Variants in UBAP1 observed in about 807,000 individuals in gnomAD.
UBAP1 encodes ubiquitin-associated protein 1.
A neutral mutation model predicts 39.0 loss-of-function variants in UBAP1; 5 were observed. That is an observed-to-expected ratio of 0.13 (90% CI 0.07 to 0.27). The LOEUF (loss-of-function observed/expected upper bound fraction) is 0.27, where lower values mean the gene tolerates loss of function less well. UBAP1 is among the 10% of genes least tolerant of loss of function. UBAP1 has a pLI of 1.00. For synonymous variants in UBAP1, 211 were observed against 225.1 expected (o/e 0.94, Z 0.56); for missense variants, 490 against 608.1 (o/e 0.81, Z 2.04).
At chr9:34,212,601 G>C (rs1832080464) in intron 1 of UBAP1, among the ~76,000 whole-genome samples, 1 of 152,002 alleles carries the variant, frequency 6.6e-6, no homozygotes, top group Non-Finnish European at 1.5e-5. Context: ...TAGATAATAG[G>C]AGAGTATTGT....
chr9:34,202,676 T>TGTGTGTGTGTGTGTGTGTGTGTCCCC (rs1554647595), intron 1 of UBAP1, among the ~76,000 whole-genome samples: 3 of 143,254 alleles, frequency 2.1e-5, no homozygotes, highest in African/African-American at 7.6e-5. Context: ...TGTGTGTGTG[T>TGTGTGTGTGTGTGTGTGTGTGTCCCC]GTCCCCGTCC....
intron 5 of UBAP1, 113 bp from the exon 6 acceptor site, chr9:34,250,545 C>A: frequency 1.4e-6 from 1 of 725,506 alleles, no homozygotes; most frequent in Non-Finnish European, 2.3e-6. Context: ...TATCCAGTAT[C>A]TGACGGCCTG....
intron 6 of UBAP1, 98 bp downstream of exon 6, chr9:34,250,857 TGCCAGTGACTACA>T: frequency 1.0e-6 from 1 of 963,414 alleles, no homozygotes. Context: ...CTTTTTGCTT[TGCCAGTGACTACA>T]GGTACAAGTA....
intron 1 of UBAP1, chr9:34,206,024 A>G (rs750336614): frequency 2.0e-5 from 3 of 152,226 alleles, no homozygotes; most frequent in Non-Finnish European, 4.4e-5. Flanking sequence ...GTTTGGGTCA[A>G]TAATTTGCGT....
intron 1 of UBAP1, among the ~76,000 whole-genome samples, chr9:34,218,104 T>C (rs1406403522): frequency 6.6e-6 from 1 of 150,578 alleles, no homozygotes; most frequent in Non-Finnish European, 1.5e-5. Context: ...TACAAAAAAT[T>C]AGCCAGGCGT....
intron 2 of UBAP1, among the ~76,000 whole-genome samples, chr9:34,226,105 TTGTG>T (rs74180553): frequency 0.16 from 14,371 of 87,360 alleles, 940 homozygotes; most frequent in Non-Finnish European, 0.18. Context: ...TCCTACTCTA[TTGTG>T]TGTGTGTGTG....
At chr9:34,240,890 G>T (rs1030207332) in intron 3 of UBAP1, among the ~76,000 whole-genome samples, 4 of 152,100 alleles carry the variant, frequency 2.6e-5, no homozygotes, top group Non-Finnish European at 5.9e-5. Flanking sequence ...ACATGTTTGG[G>T]GCTATCATTA....
intron 1 of UBAP1, among the ~76,000 whole-genome samples, chr9:34,196,034 G>A (rs1831034525): frequency 2.3e-5 from 3 of 129,692 alleles, no homozygotes; most frequent in Non-Finnish European, 4.7e-5. Flanking sequence ...TCCTACCTCA[G>A]TCTCCTGAGT....
intron 1 of UBAP1, among the ~76,000 whole-genome samples, chr9:34,193,225 C>A (rs147948738): frequency 6.6e-6 from 1 of 152,086 alleles, no homozygotes; most frequent in African/African-American, 2.4e-5. Context: ...GCAGGAGGAT[C>A]GCTTGAACCC....
intron 1 of UBAP1, among the ~76,000 whole-genome samples, chr9:34,195,303 G>A (rs1385033627): frequency 6.6e-6 from 1 of 151,852 alleles, no homozygotes; most frequent in African/African-American, 2.4e-5. Context: ...ATACTTTCAG[G>A]TTTGACTTTT....
chr9:34,247,367 G>A (rs1171917952), intron 4 of UBAP1, among the ~76,000 whole-genome samples: 2 of 151,980 alleles, frequency 1.3e-5, no homozygotes, highest in African/African-American at 2.4e-5. Context: ...TTAATATCCC[G>A]TGCATCTTTA....
chr9:34,231,636 G>GT (rs68035152), intron 2 of UBAP1, among the ~76,000 whole-genome samples: 4,354 of 143,730 alleles, frequency 0.03, 201 homozygotes, highest in African/African-American at 0.1. Context: ...AAATTTTTTT[G>GT]TTTTTTTTTT....
At chr9:34,224,526 T>A (rs1245759263) in intron 2 of UBAP1, 8 of 428,904 alleles carry the variant, frequency 1.9e-5, no homozygotes, top group Non-Finnish European at 4.1e-6. Context: ...ATGTTGGTGT[T>A]GGCAGCTGGG....
intron 4 of UBAP1, among the ~76,000 whole-genome samples, chr9:34,243,609 C>T (rs1834070571): frequency 6.6e-6 from 1 of 152,030 alleles, no homozygotes. Context: ...CCTCTCGCAG[C>T]CTGCCAAGTA....
chr9:34,203,008 T>C (rs1831487333), intron 1 of UBAP1, among the ~76,000 whole-genome samples: 1 of 152,174 alleles, frequency 6.6e-6, no homozygotes, highest in South Asian at 2.1e-4. Flanking sequence ...TTAAGATCTT[T>C]TTCAGTCTGT....
intron 1 of UBAP1, among the ~76,000 whole-genome samples, chr9:34,188,483 T>A (rs1181765442): frequency 6.7e-6 from 1 of 149,866 alleles, no homozygotes; most frequent in East Asian, 2.0e-4. Context: ...CCCAGGTTGG[T>A]CTTAAATGCC....
At chr9:34,209,329 A>G (rs16935427) in intron 1 of UBAP1, among the ~76,000 whole-genome samples, 5,018 of 152,262 alleles carry the variant, frequency 0.033, 203 homozygotes, top group East Asian at 0.15. Context: ...TTCTTTGGGT[A>G]TTTTAAAAAG....
At chr9:34,197,334 C>T (rs986013147) in intron 1 of UBAP1, among the ~76,000 whole-genome samples, 8 of 149,532 alleles carry the variant, frequency 5.4e-5, no homozygotes, top group East Asian at 3.9e-4. Context: ...TTTATAGAGA[C>T]GGGTTTCACT....
At chr9:34,207,075 G>T (rs2131547465) in intron 1 of UBAP1, among the ~76,000 whole-genome samples, 1 of 109,466 alleles carries the variant, frequency 9.1e-6, no homozygotes, top group Non-Finnish European at 1.8e-5. Flanking sequence ...TTTTGAGATG[G>T]AATTTTGCTC....
Sources: allele counts gnomAD v4.1 joint callset (sites outside exome capture counted in the v4.1 genomes callset), GRCh38; gene constraint gnomAD v4.1.1; transcripts MANE v1.5; gene names NCBI Gene and HGNC (gene_info 2026-07-23, HGNC 2026-07-21).